NEO1: variants seen among roughly 807,000 people sequenced by gnomAD.
The protein encoded by NEO1 is neogenin.
A neutral mutation model predicts 159.7 loss-of-function variants in NEO1; 63 were observed. That is an observed-to-expected ratio of 0.39 (90% CI 0.32 to 0.49). The LOEUF (loss-of-function observed/expected upper bound fraction) is 0.49, where lower values mean the gene tolerates loss of function less well. Ranked by LOEUF, NEO1 falls within the 20% of genes least tolerant of loss-of-function variation. The probability of loss-of-function intolerance (pLI) is 0.85; values close to 1 mark genes in which losing one functional copy is unlikely to be tolerated. For missense variants in NEO1, 1,615 were observed against 1,831.0 expected, an observed-to-expected ratio of 0.88 and a Z score of 2.15; for synonymous variants, 633 against 662.0, an observed-to-expected ratio of 0.96 and a Z score of 0.67.
chr15:73,257,796 A>G (rs1046464661), intron 13 of NEO1, among the ~76,000 whole-genome samples: 7 of 152,182 alleles, frequency 4.6e-5, no homozygotes, highest in African/African-American at 1.7e-4. Flanking sequence ...GATTGGTTGG[A>G]TTCTTTCAAG....
At chr15:73,168,010 TA>T (rs1454362937) in intron 5 of NEO1, among the ~76,000 whole-genome samples, 1 of 152,108 alleles carries the variant, frequency 6.6e-6, no homozygotes, top group Non-Finnish European at 1.5e-5. Flanking sequence ...AACAATGATA[TA>T]AAACATTGAA....
At chr15:73,238,901 T>C (rs1336802835) in intron 8 of NEO1, among the ~76,000 whole-genome samples, 2 of 152,132 alleles carry the variant, frequency 1.3e-5, no homozygotes, top group Non-Finnish European at 2.9e-5. Context: ...CAGGCTGGAG[T>C]GCAGTGGCAC....
At chr15:73,078,863 A>G (rs9972372) in intron 1 of NEO1, among the ~76,000 whole-genome samples, 1 of 152,126 alleles carries the variant, frequency 6.6e-6, no homozygotes, top group South Asian at 2.1e-4. Flanking sequence ...AAGTGTGTTG[A>G]TATAGTAAGT....
intron 5 of NEO1, among the ~76,000 whole-genome samples, chr15:73,166,370 C>T (rs746769092): frequency 4.6e-5 from 7 of 152,288 alleles, no homozygotes; most frequent in African/African-American, 7.2e-5. Flanking sequence ...AACTGAACTT[C>T]GGTCTGCCCA....
chr15:73,289,000 C>T, intron 24 of NEO1, 146 bp from the exon 25 acceptor site: 1 of 639,268 alleles, frequency 1.6e-6, no homozygotes, highest in Non-Finnish European at 2.8e-6. Flanking sequence ...GATCATTTTC[C>T]TCTTTATTTC....
chr15:73,055,960 T>C (rs773537402), intron 1 of NEO1, among the ~76,000 whole-genome samples: 2 of 152,214 alleles, frequency 1.3e-5, no homozygotes, highest in African/African-American at 2.4e-5. Flanking sequence ...GGACTAACAG[T>C]AGTGGCTCCA....
intron 26 of NEO1, among the ~76,000 whole-genome samples, chr15:73,295,083 A>C (rs1444609234): frequency 6.8e-6 from 1 of 146,026 alleles, no homozygotes; most frequent in Admixed American, 7.0e-5. Context: ...GTTTGTGACC[A>C]GCCTGGGCAA....
chr15:73,104,189 G>C (rs2070555996), intron 1 of NEO1, among the ~76,000 whole-genome samples: 2 of 152,136 alleles, frequency 1.3e-5, no homozygotes, highest in South Asian at 4.1e-4. Context: ...AGCCCTTCAA[G>C]TGCAGAAATC....
chr15:73,171,113 T>G (rs552313305), intron 5 of NEO1, among the ~76,000 whole-genome samples: 2 of 151,870 alleles, frequency 1.3e-5, no homozygotes, highest in African/African-American at 4.8e-5. Context: ...AAAGACAGAT[T>G]GCAGGAAAAC....
Position 73,301,338 on chromosome 15 carries a change from C to A in NEO1, c.4183C>A (p.His1395Asn). 1 of 1,614,206 alleles carries A rather than the reference C, an allele frequency of 6.2e-7. No individual in the cohort carries two copies. The highest frequency in any genetic ancestry group is 8.5e-7 in the Non-Finnish European group (1 of 1,180,030). Reference sequence around the variant, plus strand: ...CCCCTCAGCTCTGAACCATCACATTCACTCAGTGAAGACAGCCTCCATCGG... The same window carrying A: ...CCCCTCAGCTCTGAACCATCACATTAACTCAGTGAAGACAGCCTCCATCGG... ...LSQQALNHHI[H>N]SVKTASIGTL... Residue 1395 changes from histidine (H) to asparagine (N), a missense_variant, in exon 28 of 29, where the codon CAC (histidine) becomes AAC (asparagine). His to Asn is a moderately conservative substitution (Grantham distance 68, BLOSUM62 1). This residue lies in a region of NEO1 where 471 missense variants were observed against 498.9 expected (regional missense o/e 0.94). Transcript: ENST00000261908.
rs200038391 is a variant in NEO1 at position 73,210,104 on chromosome 15, C to CTGT, written c.1292-26229_1292-26227dup. The stretch of plus-strand genomic sequence containing the variant: ...TGCCATGTGCTTTCAATAAGTCTTT[C>CTGT]TGTTGTTGTTGTTGTTTGCAAATCA... On this transcript the variant is annotated intron_variant, in intron 7 of 28. Transcript: ENST00000261908. 3.2e-4 allele frequency among the ~76,000 whole-genome samples: 49 copies of CTGT among 152,232 alleles called. No homozygotes were observed. In the South Asian group the frequency reaches 8.1e-3, roughly 25 times the overall value.
chr15:73,194,425 G>A (rs2036416633), intron 7 of NEO1, among the ~76,000 whole-genome samples: 1 of 152,200 alleles, frequency 6.6e-6, no homozygotes, highest in Non-Finnish European at 1.5e-5. Flanking sequence ...AAGAAGCATG[G>A]CACCATCATC....
intron 1 of NEO1, among the ~76,000 whole-genome samples, chr15:73,066,563 C>G (rs2068233558): frequency 1.3e-5 from 2 of 152,028 alleles, no homozygotes; most frequent in South Asian, 4.2e-4. Context: ...CAGGATTTAC[C>G]TTTACTTCTG....
chr15:73,095,811 C>A (rs1429493753), intron 1 of NEO1, among the ~76,000 whole-genome samples: 1 of 152,036 alleles, frequency 6.6e-6, no homozygotes, highest in Non-Finnish European at 1.5e-5. Context: ...AAAAACTATG[C>A]ATGGATTTCA....
intron 13 of NEO1, 68 bp downstream of exon 13, chr15:73,254,897 A>G (rs1340422713): frequency 3.3e-6 from 5 of 1,525,718 alleles, no homozygotes; most frequent in African/African-American, 1.4e-5. Flanking sequence ...ATGCTAGTCT[A>G]ATGACTGCTC....
intron 1 of NEO1, among the ~76,000 whole-genome samples, chr15:73,089,202 C>T (rs1350819413): frequency 6.6e-6 from 1 of 152,068 alleles, no homozygotes; most frequent in African/African-American, 2.4e-5. Context: ...TTTTGTCTCC[C>T]TACCCCCTTT....
chr15:73,243,688 T>C (rs564786023), intron 8 of NEO1, among the ~76,000 whole-genome samples: 1 of 152,344 alleles, frequency 6.6e-6, no homozygotes, highest in African/African-American at 2.4e-5. Context: ...TATTAAATAC[T>C]AGACCGCTGG....
intron 7 of NEO1, among the ~76,000 whole-genome samples, chr15:73,212,425 A>G (rs2037633250): frequency 6.6e-6 from 1 of 152,170 alleles, no homozygotes; most frequent in Non-Finnish European, 1.5e-5. Context: ...ATAGATTAGG[A>G]TTACAATCCA....
intron 9 of NEO1, 145 bp downstream of exon 9, chr15:73,244,643 A>T: frequency 1.2e-6 from 1 of 848,996 alleles, no homozygotes; most frequent in East Asian, 2.8e-5. Flanking sequence ...AGGCAAAATT[A>T]ATTTACATCA....
Sources: allele counts gnomAD v4.1 joint callset (sites outside exome capture counted in the v4.1 genomes callset), GRCh38; gene constraint gnomAD v4.1.1; regional missense constraint gnomAD v4.1.1; transcripts MANE v1.5; gene names NCBI Gene and HGNC (gene_info 2026-07-23, HGNC 2026-07-21).